Variants in SCN3A observed in about 807,000 individuals in gnomAD.
The protein encoded by SCN3A is sodium voltage-gated channel alpha subunit 3, also known as sodium channel protein type 3 subunit alpha.
Under a neutral mutation model 187.6 loss-of-function variants are expected in SCN3A, and 60 were observed. The ratio of observed to expected loss-of-function variants is 0.32; its 90% CI spans 0.26 to 0.40. SCN3A has a LOEUF of 0.40. Among genes scored for constraint, SCN3A ranks in the 10% least tolerant of loss-of-function variants. The pLI, the probability that SCN3A is intolerant of heterozygous loss-of-function variation, is 1.00. For missense variants in SCN3A, 1,601 were observed against 2,428.2 expected, an observed-to-expected ratio of 0.66 and a Z score of 7.16; for synonymous variants, 788 against 829.2, an observed-to-expected ratio of 0.95 and a Z score of 0.85.
At chr2:165,121,722 C>T (rs956895253) in intron 18 of SCN3A, among the ~76,000 whole-genome samples, 2 of 152,132 alleles carry the variant, frequency 1.3e-5, no homozygotes, top group Non-Finnish European at 2.9e-5. Context: ...TTTATGAACT[C>T]TTTACATTTC....
chr2:165,183,085 A>G (rs183562439), intron 2 of SCN3A, among the ~76,000 whole-genome samples: 209 of 152,328 alleles, frequency 1.4e-3, no homozygotes, highest in African/African-American at 4.8e-3. Flanking sequence ...TGAAGAGGCA[A>G]GACTCACACA....
intron 22 of SCN3A, among the ~76,000 whole-genome samples, chr2:165,099,946 TGA>T (rs1685528825): frequency 6.6e-6 from 1 of 152,222 alleles, no homozygotes; most frequent in African/African-American, 2.4e-5. Flanking sequence ...ATCAAACTAT[TGA>T]GAGAAAGAAA....
intron 15 of SCN3A, among the ~76,000 whole-genome samples, chr2:165,133,415 C>T (rs932960066): frequency 3.3e-5 from 5 of 151,872 alleles, no homozygotes; most frequent in African/African-American, 1.2e-4. Context: ...AGTAGAGTGG[C>T]GCGATCTTGG....
In SCN3A at chr2:165,163,676, G is replaced by A. The variant is rs1689549358; in HGVS notation, c.636C>T (p.Val212=). ...GAACTCTGAATGTTCTCAACGCTGA[G>A]ACATTGCCCAGGTCCACAAACTCTG... ...YVTEFVDLGN[V]SALRTFRVLR... Residue 212 remains valine (V), a synonymous_variant, in exon 7 of 28, where the codon GTC becomes GTT. Coordinates refer to ENST00000283254, the MANE Select transcript of SCN3A (RefSeq NM_006922.4). The A allele has an allele frequency of 1.2e-6, 2 of 1,614,070 alleles. No homozygotes were observed. Among genetic ancestry groups the A allele is most frequent in the South Asian group, 2.2e-5 (2 of 91,078 alleles).
intron 4 of SCN3A, among the ~76,000 whole-genome samples, chr2:165,169,483 T>C (rs570008629): frequency 1.3e-5 from 2 of 152,066 alleles, no homozygotes; most frequent in Non-Finnish European, 2.9e-5. Flanking sequence ...ATAGCACTAT[T>C]CTGATGCTCT....
Position 165,154,597 on chromosome 2 carries a change from G to A in SCN3A, c.1235C>T (p.Ser412Leu). The stretch of plus-strand genomic sequence containing the variant: ...CAGGATCAAATTCACCAAATAAAAT[G>A]AGCCCAAGAAAATGACCAGGACAAA... ...IFFVLVIFLG[S>L]FYLVNLILAV... The change falls in exon 11 of 28, where the codon TCA becomes TTA. Residue 412 changes from serine to leucine, a missense_variant. By Grantham distance (145) the Ser-to-Leu change is moderately radical (BLOSUM62 -2). This residue lies in a region of SCN3A where 47 missense variants were observed against 105.8 expected (regional missense o/e 0.44). Transcript: ENST00000283254. 2 of 1,614,062 alleles carry A rather than the reference G, an allele frequency of 1.2e-6. No homozygotes were observed. Among genetic ancestry groups the A allele is most frequent in the Non-Finnish European group, 1.7e-6 (2 of 1,180,000 alleles).
intron 1 of SCN3A, among the ~76,000 whole-genome samples, chr2:165,199,516 T>C (rs1331445442): frequency 3.3e-5 from 5 of 151,936 alleles, no homozygotes; most frequent in African/African-American, 4.8e-5. Context: ...TAAAACCTTC[T>C]TTAAAGTTCT....
intron 2 of SCN3A, among the ~76,000 whole-genome samples, chr2:165,180,899 ATG>A (rs1690806182): frequency 6.6e-6 from 1 of 152,160 alleles, no homozygotes; most frequent in African/African-American, 2.4e-5. Flanking sequence ...AAAATCATTC[ATG>A]AACCCAAAGA....
At chr2:165,162,415 A>G (rs372461076) in intron 8 of SCN3A, 44 bp from the exon 9 acceptor site, 23 of 1,601,848 alleles carry the variant, frequency 1.4e-5, no homozygotes, top group Non-Finnish European at 2.0e-5. Context: ...TATTAATCCT[A>G]TTCACATTAG....
At chr2:165,145,049 A>G (rs1164968694) in intron 12 of SCN3A, among the ~76,000 whole-genome samples, 2 of 152,178 alleles carry the variant, frequency 1.3e-5, no homozygotes, top group Admixed American at 6.5e-5. Flanking sequence ...TTAACTTAAT[A>G]AGAGACTTAC....
intron 1 of SCN3A, among the ~76,000 whole-genome samples, chr2:165,200,104 G>A (rs1692221232): frequency 2.0e-5 from 3 of 152,122 alleles, no homozygotes; most frequent in African/African-American, 7.2e-5. Context: ...TTGTTTATAA[G>A]GTAAAACGTA....
intron 15 of SCN3A, among the ~76,000 whole-genome samples, chr2:165,133,037 A>G (rs1687443109): frequency 6.6e-6 from 1 of 152,250 alleles, no homozygotes; most frequent in African/African-American, 2.4e-5. Context: ...AAAAATGCTC[A>G]CCATCACTGG....
At chr2:165,173,593 T>C (rs1239841410) in intron 3 of SCN3A, among the ~76,000 whole-genome samples, 1 of 152,222 alleles carries the variant, frequency 6.6e-6, no homozygotes, top group Non-Finnish European at 1.5e-5. Context: ...TATTACTCAT[T>C]TAATTAAATT....
At chr2:165,156,033 C>A (rs577236451) in intron 9 of SCN3A, 130 bp from the exon 10 acceptor site, 1 of 1,108,190 alleles carries the variant, frequency 9.0e-7, no homozygotes, top group East Asian at 2.4e-5. Flanking sequence ...ATTTCCAGAA[C>A]ACTTTAGGTG....
intron 18 of SCN3A, among the ~76,000 whole-genome samples, chr2:165,124,302 C>T (rs764781869): frequency 7.9e-5 from 12 of 151,970 alleles, no homozygotes; most frequent in Non-Finnish European, 1.5e-4. Flanking sequence ...TTTGAAATAT[C>T]GGTGGTCATT....
At chr2:165,143,829 G>C (rs1480649390) in intron 12 of SCN3A, among the ~76,000 whole-genome samples, 3 of 152,150 alleles carry the variant, frequency 2.0e-5, no homozygotes, top group Admixed American at 2.0e-4. Context: ...CATGCATGTA[G>C]GGTTTGGATT....
chr2:165,136,258 C>T (rs1687652147), intron 15 of SCN3A, among the ~76,000 whole-genome samples: 3 of 152,172 alleles, frequency 2.0e-5, no homozygotes, highest in African/African-American at 7.2e-5. Context: ...ATATTTCCTG[C>T]TTCACTCTGG....
Position 165,140,771 on chromosome 2 carries a change from C to G in SCN3A, c.1899G>C (p.Arg633Ser). Residue 633 changes from arginine to serine, a missense_variant, in exon 13 of 28, where the codon AGG becomes AGC. Coordinates refer to ENST00000283254, the MANE Select transcript of SCN3A (RefSeq NM_006922.4). This position sits in a 1 kb window ranked among gnomAD's most constrained non-coding sequence, Gnocchi z 4.2. ...CATTTGCTGGAAGCCCTGGCACCAT[C>G]CTGGATGACATACTGGCCTGACTAA... ...SNVSQASMSS[R>S]MVPGLPANGK... is the part of the protein sequence containing the mutation. 1.2e-6 allele frequency: 2 copies of G among 1,614,128 alleles called. No homozygotes were observed. The highest frequency in any genetic ancestry group is 1.7e-6 in the Non-Finnish European group (2 of 1,180,014).
At chr2:165,182,899 C>T (rs1443941117) in intron 2 of SCN3A, among the ~76,000 whole-genome samples, 2 of 150,858 alleles carry the variant, frequency 1.3e-5, no homozygotes, top group African/African-American at 4.9e-5. Flanking sequence ...ATTGCTTGAG[C>T]CCAGGAATTC....
Sources: gnomAD v4.1 joint callset for allele counts (sites outside exome capture counted in the v4.1 genomes callset) on GRCh38, gnomAD v4.1.1 for gene constraint, gnomAD v4.1.1 regional missense constraint, Gnocchi (gnomAD v3.1) non-coding constraint, MANE v1.5 for transcripts, NCBI Gene and HGNC (gene_info 2026-07-23, HGNC 2026-07-21) for gene names.